The following CHERP variants were observed in gnomAD, a reference collection of about 807,000 sequenced individuals.
CHERP encodes calcium homeostasis endoplasmic reticulum protein, also known as ERPROT 213-21.
In CHERP, 8 loss-of-function variants were observed where a neutral mutation model predicts 113.8. That is an observed-to-expected ratio of 0.07 (90% CI 0.04 to 0.13). CHERP has a LOEUF of 0.13. Ranked by LOEUF, CHERP falls within the 10% of genes least tolerant of loss-of-function variation. CHERP has a pLI of 1.00. For missense variants in CHERP, 884 were observed against 1,298.2 expected, an observed-to-expected ratio of 0.68 and a Z score of 4.90; for synonymous variants, 559 against 524.5, an observed-to-expected ratio of 1.07 and a Z score of -0.90.
At chr19:16,522,958 A>G (rs2085630433) in intron 11 of CHERP, 94 bp downstream of exon 11, 1 of 1,405,274 alleles carries the variant, frequency 7.1e-7, no homozygotes, top group Non-Finnish European at 9.4e-7. Flanking sequence ...GGAGCCCCGG[A>G]AGGCACCCGG....
chr19:16,535,652 G>T lies in CHERP; in HGVS notation c.200-16C>A. On this transcript the variant is annotated splice_polypyrimidine_tract_variant and intron_variant, in intron 2 of 16. Transcript: ENST00000546361. The surrounding 1 kb of genome is among the most constrained non-coding windows in gnomAD (Gnocchi z 4.3). ...TTGCAGATGACTGGAGGGAGAGGAG[G>T]AGGGGTGCCCCATGAGAATGCAGAT... 2.0e-6 allele frequency: 3 copies of T among 1,491,706 alleles called. No individual in the cohort carries two copies. The highest frequency in any genetic ancestry group is 1.8e-6 in the Non-Finnish European group (2 of 1,122,476). 92.4% of individuals were successfully genotyped at this position (1,491,706 alleles called of 1,614,324 possible). A position where few individuals can be genotyped will look rare whatever the true frequency, so the allele number is the denominator to read the frequency against.
In CHERP at chr19:16,520,460, G is replaced by T. The variant is rs1182105494; in HGVS notation, c.2249C>A (p.Ser750Tyr). 1.2e-6 allele frequency: 2 copies of T among 1,614,096 alleles called. No homozygotes were observed. Among genetic ancestry groups the T allele is most frequent in the Non-Finnish European group, 1.7e-6 (2 of 1,180,024 alleles). Reference sequence around the variant, plus strand: ...GGAGGATCTTGAGTTGGAGCGGGAGGAAGAACGCCCTCGACTCTTGGATCT... The same window carrying T: ...GGAGGATCTTGAGTTGGAGCGGGAGTAAGAACGCCCTCGACTCTTGGATCT... Reference protein sequence around the residue: ...RSRSKSRGRSSSRSNSRSSKS... With the variant: ...RSRSKSRGRSYSRSNSRSSKS... Residue 750 changes from serine (S) to tyrosine (Y), a missense_variant, in exon 14 of 17, where the codon TCC (serine) becomes TAC (tyrosine). Ser to Tyr is a moderately radical substitution (Grantham distance 144). Around this residue, in one of 8 missense-constraint regions of CHERP, gnomAD observed 159 missense variants for 185.8 expected, o/e 0.86. Transcript: ENST00000546361. The surrounding 1 kb of genome is among the most constrained non-coding windows in gnomAD (Gnocchi z 4.0).
chr19:16,521,515 C>G lies in CHERP; in HGVS notation c.2114+6G>C, dbSNP rs371823666. 6 of 1,585,536 alleles carry G rather than the reference C, an allele frequency of 3.8e-6. No individual in the cohort carries two copies. The highest frequency in any genetic ancestry group is 5.1e-6 in the Non-Finnish European group (6 of 1,167,844). On this transcript the variant is annotated splice_donor_region_variant and intron_variant, in intron 12 of 16. Transcript: ENST00000546361. ...CCCGCCCACCCCACTGACCTGGGCC[C>G]CTTACCTGTTCCTGGGCCTGTCGTG...
In CHERP at chr19:16,535,800, C is replaced by T. The variant is rs1402052000; in HGVS notation, c.200-164G>A. On this transcript the variant is annotated intron_variant, in intron 2 of 16. Coordinates refer to ENST00000546361, the MANE Select transcript of CHERP (RefSeq NM_006387.6). This position sits in a 1 kb window ranked among gnomAD's most constrained non-coding sequence, Gnocchi z 4.3. The stretch of plus-strand genomic sequence containing the variant: ...CACGCAAACCAGCTCCTCCTAGTCT[C>T]GGGTCCTGCCCTCCCTCTCACAGGA... 6.6e-6 allele frequency among the ~76,000 whole-genome samples: 1 copy of T among 152,278 alleles called. No homozygotes were observed. Among genetic ancestry groups the T allele is most frequent in the East Asian group, 1.9e-4 (1 of 5,172 alleles).
Position 16,525,672 on chromosome 19 carries a change from T to G in CHERP, c.1311A>C (p.Pro437=), listed in dbSNP as rs906971831. 1.3e-6 allele frequency: 2 copies of G among 1,511,344 alleles called. No individual in the cohort carries two copies. Among genetic ancestry groups the G allele is most frequent in the Non-Finnish European group, 1.8e-6 (2 of 1,130,684 alleles). 93.6% of individuals were successfully genotyped at this position (1,511,344 alleles called of 1,614,324 possible). Residue 437 remains proline, a synonymous_variant, in exon 10 of 17, where the codon CCA becomes CCC. Coordinates refer to ENST00000546361, the MANE Select transcript of CHERP (RefSeq NM_006387.6). This position sits in a 1 kb window ranked among gnomAD's most constrained non-coding sequence, Gnocchi z 6.5. ...PVAPWGQQQP[P]EQPPYPHHQG... ...GGTGGTGCGGGTAGGGTGGCTGCTC[T>G]GGCGGCTGCAAGGGAAGGGACAGGC...
chr19:16,535,307 G>T lies in CHERP; in HGVS notation c.384+145C>A. ...TGTGTCTGGCATCAGGGCTGGGGGT[G>T]ACAGTGGCTGACATGCACCGAGCCC... is the stretch of plus-strand genomic sequence containing the variant. On this transcript the variant is annotated intron_variant, in intron 3 of 16. Coordinates refer to ENST00000546361, the MANE Select transcript of CHERP (RefSeq NM_006387.6). The surrounding 1 kb of genome is among the most constrained non-coding windows in gnomAD (Gnocchi z 4.3). 1 of 804,884 alleles carries T rather than the reference G, an allele frequency of 1.2e-6. No homozygotes were observed. Among genetic ancestry groups the T allele is most frequent in the South Asian group, 1.7e-5 (1 of 58,970 alleles). The allele number at this position is 804,884 out of a possible 1,614,324, so 49.9% of individuals were successfully genotyped here.
At chr19:16,528,345 G>A (rs928835148) in intron 8 of CHERP, 90 bp from the exon 9 acceptor site, 83 of 1,263,470 alleles carry the variant, frequency 6.6e-5, no homozygotes, top group Non-Finnish European at 8.1e-5. Flanking sequence ...CCAGGCTACC[G>A]CTTTTAGTGC....
At chr19:16,541,640 T>A (rs1171684733) in intron 2 of CHERP, 1 of 473,940 alleles carries the variant, frequency 2.1e-6, no homozygotes. Context: ...AAATCCCTGA[T>A]CCAGAGCCCA....
rs919760629 is a variant in CHERP at position 16,542,422 on chromosome 19, C to T, written c.-44G>A. On this transcript the variant is annotated 5_prime_UTR_variant, in exon 1 of 17. Transcript: ENST00000546361. ...CGTCCTCCGGCGCCACACGATCGAC[C>T]ACCAGCGCCGTCTGCGGAAGCCGGC... 5 of 1,325,270 alleles carry T rather than the reference C, an allele frequency of 3.8e-6. No homozygotes were observed. The highest frequency in any genetic ancestry group is 5.7e-5 in the East Asian group (2 of 35,012). 82.1% of individuals were successfully genotyped at this position (1,325,270 alleles called of 1,614,324 possible).
Position 16,535,705 on chromosome 19 carries a change from T to C in CHERP, c.200-69A>G, listed in dbSNP as rs1328301900. The C allele has an allele frequency of 2.2e-6, 3 of 1,388,168 alleles. No individual in the cohort carries two copies. Among genetic ancestry groups the C allele is most frequent in the Non-Finnish European group, 2.8e-6 (3 of 1,053,284 alleles). The allele number at this position is 1,388,168 out of a possible 1,614,324, so 86.0% of individuals were successfully genotyped here. A position where few individuals can be genotyped will look rare whatever the true frequency, so the allele number is the denominator to read the frequency against. On this transcript the variant is annotated intron_variant, in intron 2 of 16. Coordinates refer to ENST00000546361, the MANE Select transcript of CHERP (RefSeq NM_006387.6). This position sits in a 1 kb window ranked among gnomAD's most constrained non-coding sequence, Gnocchi z 4.3. ...GGGTCTAGGTGTCCCCTTGGCCACC[T>C]CTCAGCCACAGGGGCCTCCCCCTCC...
At position 16,519,119 on chromosome 19, in the gene CHERP, C is replaced by T. The variant is rs973569404; in HGVS notation, c.*40G>A. ...CAGTCAGCCAGGAAGGTCCCACAGC[C>T]GGCACCGCTGGCCACCGGCGCGGCT... On this transcript the variant is annotated 3_prime_UTR_variant, in exon 17 of 17. Coordinates refer to ENST00000546361, the MANE Select transcript of CHERP (RefSeq NM_006387.6). The surrounding 1 kb of genome is among the most constrained non-coding windows in gnomAD (Gnocchi z 6.0). 32 of 1,577,924 alleles carry T rather than the reference C, an allele frequency of 2.0e-5. No homozygotes were observed. Among genetic ancestry groups the T allele is most frequent in the African/African-American group, 9.5e-5 (7 of 74,056 alleles).
chr19:16,525,708 C>T lies in CHERP; in HGVS notation c.1306-31G>A. 2.7e-6 allele frequency: 4 copies of T among 1,467,426 alleles called. No individual in the cohort carries two copies. Among genetic ancestry groups the T allele is most frequent in the East Asian group, 5.1e-5 (2 of 39,562 alleles). 90.9% of individuals were successfully genotyped at this position (1,467,426 alleles called of 1,614,324 possible). Reference sequence around the variant, plus strand: ...AGGGAAGGGACAGGCTTGAGCCCTGCGTGGTCTAGGCCCTAGTGCTCGGCA... The same window carrying T: ...AGGGAAGGGACAGGCTTGAGCCCTGTGTGGTCTAGGCCCTAGTGCTCGGCA... On this transcript the variant is annotated intron_variant, in intron 9 of 16. Transcript: ENST00000546361. The surrounding 1 kb of genome is among the most constrained non-coding windows in gnomAD (Gnocchi z 6.5).
chr19:16,536,388 G>A (rs2085741962), intron 2 of CHERP, among the ~76,000 whole-genome samples: 1 of 152,154 alleles, frequency 6.6e-6, no homozygotes, highest in African/African-American at 2.4e-5. Flanking sequence ...AAGATGACCT[G>A]CCTCTCTCTC....
chr19:16,541,748 A>G lies in CHERP; in HGVS notation c.199+122T>C, dbSNP rs2085781479. On this transcript the variant is annotated intron_variant, in intron 2 of 16. Transcript: ENST00000546361. ...GAACAGCGGAACAGGGATCGTGTGG[A>G]CCGAGCTGCTCCACTTCAAAGAATA... 4 of 1,024,804 alleles carry G rather than the reference A, an allele frequency of 3.9e-6. No homozygotes were observed. In the East Asian group the frequency reaches 9.5e-5, roughly 24 times the overall value. 63.5% of individuals were successfully genotyped at this position (1,024,804 alleles called of 1,614,324 possible).
Position 16,532,813 on chromosome 19 carries a change from C to G in CHERP, c.523-64G>C. ...GGCTCCCCCAGGCACCCACTGCATC[C>G]CTGAGAGCGCGTCACCATCAGCTCA... On this transcript the variant is annotated intron_variant, in intron 4 of 16. Coordinates refer to ENST00000546361, the MANE Select transcript of CHERP (RefSeq NM_006387.6). The surrounding 1 kb of genome is among the most constrained non-coding windows in gnomAD (Gnocchi z 4.4). 6.4e-7 allele frequency: 1 copy of G among 1,565,132 alleles called. No homozygotes were observed. The highest frequency in any genetic ancestry group is 8.7e-7 in the Non-Finnish European group (1 of 1,150,656).
At chr19:16,522,145 T>C (rs1456700855) in intron 11 of CHERP, among the ~76,000 whole-genome samples, 1 of 152,172 alleles carries the variant, frequency 6.6e-6, no homozygotes, top group African/African-American at 2.4e-5. Flanking sequence ...CTCTCCCTGC[T>C]GCCCATGGCT....
intron 8 of CHERP, among the ~76,000 whole-genome samples, chr19:16,529,264 C>T (rs2085678912): frequency 6.6e-6 from 1 of 152,190 alleles, no homozygotes. Context: ...GCGATCTGCC[C>T]ATCTTGGCCT....
intron 2 of CHERP, among the ~76,000 whole-genome samples, chr19:16,537,917 G>C (rs1470776746): frequency 6.6e-6 from 1 of 152,172 alleles, no homozygotes; most frequent in Admixed American, 6.6e-5. Flanking sequence ...GTGCTTTGCA[G>C]AAGTTTTGGT....
rs750510620 is a variant in CHERP, at chr19:16,523,188, G to T, written c.1844C>A (p.Pro615His). The change falls in exon 11 of 17, where the codon CCC becomes CAC. Residue 615 changes from proline to histidine, a missense_variant. Physicochemically the swap from Pro to His is moderately conservative, Grantham distance 77 (BLOSUM62 -2). Around this residue, in one of 8 missense-constraint regions of CHERP, gnomAD observed 464 missense variants for 590.1 expected, o/e 0.79. Transcript: ENST00000546361. This position sits in a 1 kb window ranked among gnomAD's most constrained non-coding sequence, Gnocchi z 4.0. ...AGPQHPDFGP[P>H]PHGFNGQPPH... ...GGGCTGCCCGTTGAAGCCATGGGGG[G>T]GAGGGCCGAAGTCAGGGTGCTGGGG... 2 of 1,575,794 alleles carry T rather than the reference G, an allele frequency of 1.3e-6. No individual in the cohort carries two copies. Among genetic ancestry groups the T allele is most frequent in the South Asian group, 1.1e-5 (1 of 87,672 alleles).
Sources: gnomAD v4.1 joint callset for allele counts (sites outside exome capture counted in the v4.1 genomes callset) on GRCh38, gnomAD v4.1.1 for gene constraint, gnomAD v4.1.1 regional missense constraint, Gnocchi (gnomAD v3.1) non-coding constraint, MANE v1.5 for transcripts, NCBI Gene and HGNC (gene_info 2026-07-23, HGNC 2026-07-21) for gene names.